Variants in VEZT observed in about 807,000 individuals in gnomAD.
VEZT encodes vezatin, adherens junctions transmembrane protein.
VEZT carries 39 observed loss-of-function variants against 79.9 expected under a neutral mutation model. The observed-to-expected ratio is 0.49, with a 90% CI of 0.38 to 0.64. The LOEUF is 0.64. Among genes scored for constraint, VEZT ranks in the 30% least tolerant of loss-of-function variants. The pLI is 0.00. For missense variants in VEZT, 837 were observed against 893.1 expected, an observed-to-expected ratio of 0.94 and a Z score of 0.80; for synonymous variants, 325 against 327.6, an observed-to-expected ratio of 0.99 and a Z score of 0.09.
intron 8 of VEZT, among the ~76,000 whole-genome samples, chr12:95,284,240 A>G (rs2069974555): frequency 6.6e-6 from 1 of 152,210 alleles, no homozygotes; most frequent in East Asian, 1.9e-4. Flanking sequence ...ATCATATCCA[A>G]TTTGCTCTGT....
intron 8 of VEZT, among the ~76,000 whole-genome samples, chr12:95,287,192 A>G (rs1055960060): frequency 6.6e-6 from 1 of 152,202 alleles, no homozygotes; most frequent in African/African-American, 2.4e-5. Flanking sequence ...GTCAAAGAAT[A>G]CATAACAAAA....
At chr12:95,231,616 A>G (rs1565996708) in intron 1 of VEZT, 2 of 152,148 alleles carry the variant, frequency 1.3e-5, no homozygotes, top group South Asian at 4.1e-4. Flanking sequence ...TTCTATGATT[A>G]GATTTTACTT....
chr12:95,270,619 G>A (rs2066402079), intron 6 of VEZT, among the ~76,000 whole-genome samples: 1 of 152,182 alleles, frequency 6.6e-6, no homozygotes, highest in Admixed American at 6.5e-5. Context: ...GGCTGTATCA[G>A]TTACTTCCTA....
intron 10 of VEZT, among the ~76,000 whole-genome samples, 160 bp from the exon 11 acceptor site, chr12:95,295,891 A>T (rs987216008): frequency 2.0e-5 from 3 of 152,130 alleles, no homozygotes; most frequent in Non-Finnish European, 4.4e-5. Flanking sequence ...ATCCATAGGT[A>T]TATATTTGCT....
chr12:95,278,747 A>G (rs2068324953), intron 7 of VEZT, among the ~76,000 whole-genome samples: 1 of 152,218 alleles, frequency 6.6e-6, no homozygotes, highest in African/African-American at 2.4e-5. Context: ...TAAATAAAAT[A>G]CAGGTTGAAT....
At chr12:95,220,585 C>G (rs2057421747) in intron 1 of VEZT, among the ~76,000 whole-genome samples, 1 of 152,128 alleles carries the variant, frequency 6.6e-6, no homozygotes, top group South Asian at 2.1e-4. Context: ...TTAATTTTGT[C>G]TATTTTTATT....
chr12:95,295,968 A>T, intron 10 of VEZT, 83 bp from the exon 11 acceptor site: 1 of 1,025,742 alleles, frequency 9.7e-7, no homozygotes, highest in Non-Finnish European at 1.4e-6. Flanking sequence ...TTAATCTCAG[A>T]GATAAGTAAG....
At chr12:95,235,761 C>T (rs1382523869) in intron 1 of VEZT, among the ~76,000 whole-genome samples, 1 of 151,576 alleles carries the variant, frequency 6.6e-6, no homozygotes, top group Non-Finnish European at 1.5e-5. Flanking sequence ...CGGCCGGAGA[C>T]GCTCCTCACT....
intron 10 of VEZT, among the ~76,000 whole-genome samples, chr12:95,295,547 A>G (rs1426708249): frequency 1.3e-5 from 2 of 152,166 alleles, no homozygotes; most frequent in African/African-American, 4.8e-5. Context: ...ACCTGAGCCT[A>G]TACTGTAAGG....
intron 4 of VEZT, among the ~76,000 whole-genome samples, chr12:95,264,637 A>T (rs1217302246): frequency 1.3e-5 from 2 of 151,822 alleles, no homozygotes; most frequent in African/African-American, 4.8e-5. Context: ...GGGTTTTGCC[A>T]TGTTGCCCAG....
chr12:95,227,246 C>T (rs1487153238), intron 1 of VEZT, among the ~76,000 whole-genome samples: 2 of 152,142 alleles, frequency 1.3e-5, no homozygotes, highest in East Asian at 1.9e-4. Flanking sequence ...CTGCAGCCTC[C>T]ACTTCCCAGG....
chr12:95,289,130 A>AAATAAATG (rs1321131943), intron 9 of VEZT, among the ~76,000 whole-genome samples: 46 of 147,630 alleles, frequency 3.1e-4, no homozygotes, highest in African/African-American at 1.0e-3. Flanking sequence ...ATAAATAAAT[A>AAATAAATG]AAAAAGGCCA....
intron 3 of VEZT, among the ~76,000 whole-genome samples, chr12:95,261,344 C>T (rs2064446454): frequency 1.3e-5 from 2 of 152,186 alleles, no homozygotes; most frequent in Admixed American, 1.3e-4. Flanking sequence ...GTCCATCATT[C>T]TCTTTATTTT....
intron 1 of VEZT, among the ~76,000 whole-genome samples, chr12:95,230,317 C>T (rs1363823341): frequency 2.0e-5 from 3 of 152,190 alleles, no homozygotes; most frequent in African/African-American, 4.8e-5. Context: ...AATATAGCCT[C>T]CTATCTCTTA....
At chr12:95,240,855 T>C (rs1428652619) in intron 1 of VEZT, among the ~76,000 whole-genome samples, 1 of 152,134 alleles carries the variant, frequency 6.6e-6, no homozygotes, top group East Asian at 1.9e-4. Context: ...TTTTTCAATC[T>C]TTGATTCCTT....
At position 95,236,884 on chromosome 12, in the gene VEZT, G is replaced by A. The variant is rs189766752; in HGVS notation, c.37-15056G>A. Among the ~76,000 whole-genome samples, 493 of 152,262 alleles carry A rather than the reference G, an allele frequency of 3.2e-3. 1 individual carries two copies. Among genetic ancestry groups the A allele is most frequent in the Non-Finnish European group, 5.2e-3 (355 of 68,026 alleles). Reference sequence around the variant, plus strand: ...TTACAGGCATCAGCCATGGTGCTTGGCTCTTACTGAATTCTTACATGTGAA... The same window carrying A: ...TTACAGGCATCAGCCATGGTGCTTGACTCTTACTGAATTCTTACATGTGAA... On this transcript the variant is annotated intron_variant, in intron 1 of 11. Transcript: ENST00000436874.
chr12:95,247,969 C>T (rs1488656869), intron 1 of VEZT, among the ~76,000 whole-genome samples: 1 of 152,144 alleles, frequency 6.6e-6, no homozygotes, highest in African/African-American at 2.4e-5. Context: ...AATACATTCA[C>T]CTCAGTCTCC....
chr12:95,275,039 T>C lies in VEZT; in HGVS notation c.996+150T>C, dbSNP rs528207411. The C allele has an allele frequency of 5.7e-5, 53 of 933,044 alleles. No homozygotes were observed. In the East Asian group the frequency reaches 1.5e-3, roughly 27 times the overall value. The allele number at this position is 933,044 out of a possible 1,614,324, so 57.8% of individuals were successfully genotyped here. ...TGCACGGGTGATGTTTGTAACTCTG[T>C]CTTTAAGAGCCGAGAGCATAATAAA... On this transcript the variant is annotated intron_variant, in intron 7 of 11. Transcript: ENST00000436874.
chr12:95,286,950 G>C (rs2071081984), intron 8 of VEZT: 1 of 158,282 alleles, frequency 6.3e-6, no homozygotes, highest in Non-Finnish European at 1.4e-5. Flanking sequence ...CATCCAAGTG[G>C]GGAGGGAGCC....
Sources: allele counts gnomAD v4.1 joint callset (sites outside exome capture counted in the v4.1 genomes callset), GRCh38; gene constraint gnomAD v4.1.1; transcripts MANE v1.5; gene names NCBI Gene and HGNC (gene_info 2026-07-23, HGNC 2026-07-21).